Variants in DNM1 observed in about 807,000 individuals in gnomAD.
DNM1 encodes dynamin 1.
A neutral mutation model predicts 104.6 loss-of-function variants in DNM1; 29 were observed. The ratio of observed to expected loss-of-function variants is 0.28; its 90% CI spans 0.21 to 0.38. The LOEUF (loss-of-function observed/expected upper bound fraction) is 0.38, where lower values mean the gene tolerates loss of function less well. Ranked by LOEUF, DNM1 falls within the 10% of genes least tolerant of loss-of-function variation. The pLI is 1.00. For missense variants in DNM1, 640 were observed against 1,189.4 expected, an observed-to-expected ratio of 0.54 and a Z score of 6.79; for synonymous variants, 445 against 475.8, an observed-to-expected ratio of 0.94 and a Z score of 0.84.
In DNM1 at chr9:128,250,873, C is replaced by T. The variant is rs2131299716; in HGVS notation, c.2467C>T (p.Pro823Ser). Residue 823 changes from proline to serine, a missense_variant, in exon 21 of 22, where the codon CCT becomes TCT. This residue lies in a region of DNM1 where 129 missense variants were observed against 224.6 expected (regional missense o/e 0.57). Transcript: ENST00000372923. ...CGTGCCCTCCAGGCCGGGGGCTTCC[C>T]CTGACCCTTTCGGCCCTCCCCCTCA... ...PPVPSRPGAS[P>S]DPFGPPPQVP... The T allele has an allele frequency of 2.2e-6, 3 of 1,351,888 alleles. No individual in the cohort carries two copies. Among genetic ancestry groups the T allele is most frequent in the South Asian group, 1.9e-5 (1 of 52,280 alleles). The allele number at this position is 1,351,888 out of a possible 1,614,324, so 83.7% of individuals were successfully genotyped here.
rs536214051 is a variant in DNM1, at chr9:128,245,971, G to T, written c.1672-423G>T. 2.0e-5 allele frequency among the ~76,000 whole-genome samples: 3 copies of T among 152,350 alleles called. No individual in the cohort carries two copies. Among genetic ancestry groups the T allele is most frequent in the Admixed American group, 2.0e-4 (3 of 15,304 alleles). ...GGAGCTCGGGGGAGTGGGCTGAGCC[G>T]GCCCTTTGAAGCCGCCGGGTCTGGT... is the stretch of plus-strand genomic sequence containing the variant. On this transcript the variant is annotated intron_variant, in intron 15 of 21. Coordinates refer to ENST00000372923, the MANE Select transcript of DNM1 (RefSeq NM_004408.4). This position sits in a 1 kb window ranked among gnomAD's most constrained non-coding sequence, Gnocchi z 5.2.
chr9:128,206,515 TGTG>T (rs1416640584), intron 1 of DNM1, among the ~76,000 whole-genome samples: 4 of 151,592 alleles, frequency 2.6e-5, no homozygotes, highest in Non-Finnish European at 5.9e-5. Flanking sequence ...AACTGGAAAA[TGTG>T]GTGAACGTCA....
chr9:128,250,547 G>A (rs1201100221), intron 20 of DNM1, among the ~76,000 whole-genome samples, 178 bp from the exon 21 acceptor site: 1 of 152,156 alleles, frequency 6.6e-6, no homozygotes, highest in Non-Finnish European at 1.5e-5. Context: ...AGGCTGGGTG[G>A]AGCTGGGGCG....
intron 1 of DNM1, among the ~76,000 whole-genome samples, chr9:128,205,677 G>GCGCCCC (rs1810605523): frequency 6.6e-6 from 1 of 152,140 alleles, no homozygotes; most frequent in Non-Finnish European, 1.5e-5. Context: ...GTGACTGTGG[G>GCGCCCC]CTCCACCGAG....
chr9:128,234,370 A>T (rs184145841), intron 11 of DNM1, among the ~76,000 whole-genome samples: 6 of 152,310 alleles, frequency 3.9e-5, no homozygotes, highest in Non-Finnish European at 5.9e-5. Flanking sequence ...CATCCACAGA[A>T]CTGTTTTTTT....
chr9:128,218,158 C>T lies in DNM1; in HGVS notation c.162-73C>T, dbSNP rs377393131. On this transcript the variant is annotated intron_variant, in intron 1 of 21. Transcript: ENST00000372923. The surrounding 1 kb of genome is among the most constrained non-coding windows in gnomAD (Gnocchi z 4.8). Reference sequence around the variant, plus strand: ...GAAGGAGCTTTGGCTTTCCCAGGGGCCGGACAGGTACCCCTGGGACAGAGG... The same window carrying T: ...GAAGGAGCTTTGGCTTTCCCAGGGGTCGGACAGGTACCCCTGGGACAGAGG... 4.9e-6 allele frequency: 7 copies of T among 1,442,984 alleles called. No individual in the cohort carries two copies. In the African/African-American group the frequency reaches 7.0e-5, roughly 14 times the overall value. 89.4% of individuals were successfully genotyped at this position (1,442,984 alleles called of 1,614,324 possible).
rs952869438 is a variant in DNM1 at position 128,243,951 on chromosome 9, G to A, written c.1671+1606G>A. On this transcript the variant is annotated intron_variant, in intron 15 of 21. Transcript: ENST00000372923. This position sits in a 1 kb window ranked among gnomAD's most constrained non-coding sequence, Gnocchi z 4.0. ...GGAGGCGGGGTGTGTTTGTGTGTGT[G>A]TGTGTGTGTGTGTGTGTGGCTTGTG... 6.7e-6 allele frequency among the ~76,000 whole-genome samples: 1 copy of A among 148,492 alleles called. No individual in the cohort carries two copies. Among genetic ancestry groups the A allele is most frequent in the Middle Eastern group, 3.4e-3 (1 of 294 alleles).
Position 128,217,406 on chromosome 9 carries a change from G to GT in DNM1, c.162-818dup, listed in dbSNP as rs1262477025. ...ATGCAGTAGGCACTAAGAAGCATGA[G>GT]TTTTTTTGTTTCTTTGTGGGTTTTT... is the stretch of plus-strand genomic sequence containing the variant. On this transcript the variant is annotated intron_variant, in intron 1 of 21. Transcript: ENST00000372923. 2.6e-5 allele frequency among the ~76,000 whole-genome samples: 4 copies of GT among 152,222 alleles called. No homozygotes were observed. In the East Asian group the frequency reaches 5.8e-4, roughly 22 times the overall value.
In DNM1 at chr9:128,222,425, C is replaced by T. The variant is rs751323978; in HGVS notation, c.993-36C>T. ...TCCCAGGGTTCCCTTTGCTGGGCTG[C>T]TCCTGCCCCCTCAGGCCACACCACT... On this transcript the variant is annotated intron_variant, in intron 7 of 21. Coordinates refer to ENST00000372923, the MANE Select transcript of DNM1 (RefSeq NM_004408.4). The surrounding 1 kb of genome is among the most constrained non-coding windows in gnomAD (Gnocchi z 7.8). The T allele has an allele frequency of 6.2e-7, 1 of 1,612,204 alleles. No individual in the cohort carries two copies. Among genetic ancestry groups the T allele is most frequent in the South Asian group, 1.1e-5 (1 of 91,008 alleles).
At chr9:128,249,335 C>CT (rs1829366477) in intron 19 of DNM1, among the ~76,000 whole-genome samples, 4 of 151,912 alleles carry the variant, frequency 2.6e-5, no homozygotes, top group African/African-American at 9.7e-5. Flanking sequence ...CACAGTGAGA[C>CT]TTTGTCTCTA....
chr9:128,203,692 C>A lies in DNM1; in HGVS notation c.161+61C>A, dbSNP rs552678023. 1.4e-5 allele frequency: 19 copies of A among 1,386,504 alleles called. No individual in the cohort carries two copies. In the African/African-American group the frequency reaches 2.9e-4, roughly 21 times the overall value. The allele number at this position is 1,386,504 out of a possible 1,614,324, so 85.9% of individuals were successfully genotyped here. On this transcript the variant is annotated intron_variant, in intron 1 of 21. Transcript: ENST00000372923. The surrounding 1 kb of genome is among the most constrained non-coding windows in gnomAD (Gnocchi z 5.3). ...CCCCCGGGATCCCTGGAGTCCCCGC[C>A]CGGGGCACTGACGGCGCGGCGACCT...
chr9:128,226,197 C>G (rs1209216416), intron 10 of DNM1: 4 of 1,611,440 alleles, frequency 2.5e-6, no homozygotes, highest in Admixed American at 1.7e-5. Context: ...CTGGGCGGGG[C>G]TGGGCCTGGC....
rs1554773802 is a variant in DNM1 at position 128,220,743 on chromosome 9, G to GCGCGCGTT, written c.849+402_849+403insCGCGCGTT. ...AGAACTGAAGTGCGCGCGCGCGCGC[G>GCGCGCGTT]TGTGTGTGTGTGTGTGTGTGTGTGT... On this transcript the variant is annotated intron_variant, in intron 6 of 21. Transcript: ENST00000372923. This position sits in a 1 kb window ranked among gnomAD's most constrained non-coding sequence, Gnocchi z 5.2. 1.5e-5 allele frequency among the ~76,000 whole-genome samples: 1 copy of GCGCGCGTT among 68,104 alleles called. No homozygotes were observed. The highest frequency in any genetic ancestry group is 6.2e-4 in the East Asian group (1 of 1,612). 44.7% of individuals were successfully genotyped at this position (68,104 alleles called of 152,430 possible).
chr9:128,225,831 G>A (rs1278604787), intron 10 of DNM1, among the ~76,000 whole-genome samples: 2 of 152,150 alleles, frequency 1.3e-5, no homozygotes, highest in South Asian at 2.1e-4. Flanking sequence ...TGCCAACCCC[G>A]GGTGGCAAGG....
Position 128,222,046 on chromosome 9 carries a change from C to A in DNM1, c.850-151C>A. 2 of 824,800 alleles carry A rather than the reference C, an allele frequency of 2.4e-6. No homozygotes were observed. Among genetic ancestry groups the A allele is most frequent in the South Asian group, 2.2e-5 (1 of 46,270 alleles). The allele number at this position is 824,800 out of a possible 1,614,324, so 51.1% of individuals were successfully genotyped here. A position where few individuals can be genotyped will look rare whatever the true frequency, so the allele number is the denominator to read the frequency against. On this transcript the variant is annotated intron_variant, in intron 6 of 21. Transcript: ENST00000372923. This position sits in a 1 kb window ranked among gnomAD's most constrained non-coding sequence, Gnocchi z 7.8. ...CATCTCTGCAAGCTCCTTCTATGAA[C>A]CAGTTTTCTTGCTAGTGGCCCGGGC...
chr9:128,246,526 G>A (rs1403540144), intron 16 of DNM1, 23 bp downstream of exon 16: 4 of 1,587,896 alleles, frequency 2.5e-6, no homozygotes, highest in Non-Finnish European at 3.5e-6. Flanking sequence ...CCCTGGCTGT[G>A]GCTGCTGCAG....
In DNM1 at chr9:128,242,365, T is replaced by C. The variant is rs1836420970; in HGVS notation, c.1671+20T>C. 1 of 1,389,784 alleles carries C rather than the reference T, an allele frequency of 7.2e-7. No homozygotes were observed. Among genetic ancestry groups the C allele is most frequent in the Non-Finnish European group, 1.0e-6 (1 of 975,634 alleles). 86.1% of individuals were successfully genotyped at this position (1,389,784 alleles called of 1,614,324 possible). ...GATGAGGTGAGTCAAGGGCCAGTGG[T>C]CATCAAGGGGCTGGGCTGGTGGACA... is the stretch of plus-strand genomic sequence containing the variant. On this transcript the variant is annotated intron_variant, in intron 15 of 21. Coordinates refer to ENST00000372923, the MANE Select transcript of DNM1 (RefSeq NM_004408.4).
At chr9:128,246,584 G>A (rs1836830160) in intron 16 of DNM1, 81 bp downstream of exon 16, 2 of 1,069,208 alleles carry the variant, frequency 1.9e-6, no homozygotes, top group East Asian at 2.5e-5. Flanking sequence ...GGGATCCAGG[G>A]AGGAGAGGAA....
Position 128,240,297 on chromosome 9 carries a change from T to C in DNM1, c.1557+301T>C. 4.7e-6 allele frequency: 2 copies of C among 425,828 alleles called. No individual in the cohort carries two copies. Among genetic ancestry groups the C allele is most frequent in the Non-Finnish European group, 8.5e-6 (2 of 234,878 alleles). 26.4% of individuals were successfully genotyped at this position (425,828 alleles called of 1,614,324 possible). A position where few individuals can be genotyped will look rare whatever the true frequency, so the allele number is the denominator to read the frequency against. ...CTTAAACATCTGCTGGATGGAGGGA[T>C]GCACGTGAGCAAGACACATTTTTAA... On this transcript the variant is annotated intron_variant, in intron 14 of 21. Transcript: ENST00000372923. The surrounding 1 kb of genome is among the most constrained non-coding windows in gnomAD (Gnocchi z 5.1).
Sources: allele counts gnomAD v4.1 joint callset (sites outside exome capture counted in the v4.1 genomes callset), GRCh38; gene constraint gnomAD v4.1.1; regional missense constraint gnomAD v4.1.1; non-coding constraint Gnocchi (gnomAD v3.1); transcripts MANE v1.5; gene names NCBI Gene and HGNC (gene_info 2026-07-23, HGNC 2026-07-21).